The following PLPP1 variants were observed in gnomAD, a reference collection of about 807,000 sequenced individuals.
PLPP1 encodes lipid phosphate phosphohydrolase 1a.
PLPP1 carries 24 observed loss-of-function variants against 31.2 expected under a neutral mutation model. The observed-to-expected ratio is 0.77, with a 90% CI of 0.56 to 1.08. PLPP1 has a LOEUF of 1.08. PLPP1 is among the 50% of genes least tolerant of loss of function. The pLI is 0.00. For missense variants in PLPP1, 319 were observed against 342.7 expected, an observed-to-expected ratio of 0.93 and a Z score of 0.55; for synonymous variants, 146 against 126.3, an observed-to-expected ratio of 1.16 and a Z score of -1.05.
At chr5:55,500,972 A>G (rs550051540) in intron 1 of PLPP1, among the ~76,000 whole-genome samples, 1 of 152,330 alleles carries the variant, frequency 6.6e-6, no homozygotes, top group South Asian at 2.1e-4. Flanking sequence ...ACCTATATTA[A>G]GAAGATTGAA....
intron 1 of PLPP1, among the ~76,000 whole-genome samples, chr5:55,521,859 A>G (rs1472091959): frequency 6.6e-6 from 1 of 152,200 alleles, no homozygotes; most frequent in Non-Finnish European, 1.5e-5. Flanking sequence ...TTCATGTGAA[A>G]CATTTACCAA....
At chr5:55,531,019 C>G (rs1740651607) in intron 1 of PLPP1, among the ~76,000 whole-genome samples, 1 of 152,206 alleles carries the variant, frequency 6.6e-6, no homozygotes, top group Non-Finnish European at 1.5e-5. Context: ...CAGCCTACCA[C>G]CATTCTCTGT....
chr5:55,491,473 T>A (rs1254229242), intron 1 of PLPP1, among the ~76,000 whole-genome samples: 2 of 152,236 alleles, frequency 1.3e-5, no homozygotes, highest in Non-Finnish European at 1.5e-5. Context: ...TTTAATTGAA[T>A]TGCTTTACAT....
At chr5:55,446,850 CAT>C (rs764736900) in intron 3 of PLPP1, among the ~76,000 whole-genome samples, 20 of 152,316 alleles carry the variant, frequency 1.3e-4, no homozygotes, top group Middle Eastern at 3.4e-3. Flanking sequence ...ACATTATCCA[CAT>C]GTCTTTTATG....
At position 55,425,126 on chromosome 5, in the gene PLPP1, G is replaced by GAA; in HGVS notation, c.*78_*79dup. ...TCTTTAAAGGCTTGTACACCAGGAAGAAAGATGCATCCTCTTGCCTTGTGG... is the reference window on the plus strand; with the variant it reads ...TCTTTAAAGGCTTGTACACCAGGAAGAAAAAGATGCATCCTCTTGCCTTGTGG... On this transcript the variant is annotated 3_prime_UTR_variant, in exon 6 of 6. Coordinates refer to ENST00000307259, the MANE Select transcript of PLPP1 (RefSeq NM_003711.4). 1 of 1,505,540 alleles carries GAA rather than the reference G, an allele frequency of 6.6e-7. No individual in the cohort carries two copies. The highest frequency in any genetic ancestry group is 9.0e-7 in the Non-Finnish European group (1 of 1,115,864). The allele number at this position is 1,505,540 out of a possible 1,614,324, so 93.3% of individuals were successfully genotyped here.
chr5:55,464,397 G>A (rs568362984), intron 3 of PLPP1, among the ~76,000 whole-genome samples: 1 of 152,022 alleles, frequency 6.6e-6, no homozygotes, highest in Non-Finnish European at 1.5e-5. Flanking sequence ...ACCACACCTC[G>A]CTAATTTCTG....
intron 1 of PLPP1, among the ~76,000 whole-genome samples, chr5:55,501,309 G>A (rs909908566): frequency 2.6e-5 from 4 of 151,918 alleles, no homozygotes; most frequent in Admixed American, 6.6e-5. Context: ...GCAAGACTCC[G>A]TCTCAAAAAA....
intron 1 of PLPP1, among the ~76,000 whole-genome samples, chr5:55,485,300 A>G (rs750794118): frequency 7.9e-5 from 12 of 152,180 alleles, no homozygotes; most frequent in Non-Finnish European, 1.3e-4. Context: ...CTGCAACACA[A>G]AAGACAAACT....
intron 4 of PLPP1, among the ~76,000 whole-genome samples, chr5:55,427,175 A>G (rs1382467011): frequency 6.6e-6 from 1 of 152,182 alleles, no homozygotes; most frequent in Non-Finnish European, 1.5e-5. Context: ...GTTCAATAAT[A>G]TATGACTCGT....
At chr5:55,503,926 T>C (rs951031823) in intron 1 of PLPP1, among the ~76,000 whole-genome samples, 3 of 22,262 alleles carry the variant, frequency 1.3e-4, no homozygotes, top group Admixed American at 6.6e-4. Flanking sequence ...GGGGGAGGAA[T>C]GGGAGAGGAG....
chr5:55,534,934 G>A lies in PLPP1; in HGVS notation c.-305C>T, dbSNP rs1215871518. 1.5e-5 allele frequency: 6 copies of A among 393,910 alleles called. No homozygotes were observed. The Admixed American group carries it at 1.9e-4, about 13-fold the overall frequency. 24.4% of individuals were successfully genotyped at this position (393,910 alleles called of 1,614,324 possible). A position where few individuals can be genotyped will look rare whatever the true frequency, so the allele number is the denominator to read the frequency against. ...TCAGCCGGCACGGCCTGCCCCGGTT[G>A]CTCCCCGTCCGGATCCCGGCGCTCT... On this transcript the variant is annotated 5_prime_UTR_variant, in exon 1 of 6. Transcript: ENST00000307259.
chr5:55,460,799 C>T (rs1439184385), intron 3 of PLPP1, among the ~76,000 whole-genome samples: 1 of 152,154 alleles, frequency 6.6e-6, no homozygotes, highest in Admixed American at 6.5e-5. Context: ...TAAGCTATGA[C>T]TGGGCCACCG....
intron 1 of PLPP1, among the ~76,000 whole-genome samples, chr5:55,529,386 G>C (rs1187234221): frequency 1.3e-5 from 2 of 151,990 alleles, no homozygotes; most frequent in East Asian, 3.8e-4. Context: ...TTTCTAATAA[G>C]AGTTTCAACT....
chr5:55,486,045 G>A (rs1290876638), intron 1 of PLPP1, among the ~76,000 whole-genome samples: 1 of 152,070 alleles, frequency 6.6e-6, no homozygotes, highest in Non-Finnish European at 1.5e-5. Context: ...TTGTGTATGA[G>A]AACACCTGTT....
At chr5:55,533,518 AG>A (rs1041135955) in intron 1 of PLPP1, among the ~76,000 whole-genome samples, 1 of 152,220 alleles carries the variant, frequency 6.6e-6, no homozygotes, top group Admixed American at 6.5e-5. Context: ...TGGAATAACT[AG>A]GAACTACTGG....
chr5:55,431,459 A>G (rs1247695836), intron 4 of PLPP1, among the ~76,000 whole-genome samples: 2 of 152,250 alleles, frequency 1.3e-5, no homozygotes, highest in Non-Finnish European at 2.9e-5. Context: ...ATAAAACTGG[A>G]AATGAATAAT....
chr5:55,514,744 GTTA>G (rs1753519301), intron 1 of PLPP1, among the ~76,000 whole-genome samples: 1 of 152,144 alleles, frequency 6.6e-6, no homozygotes, highest in East Asian at 1.9e-4. Context: ...TTATTTATTG[GTTA>G]TTATTGCAGT....
chr5:55,504,524 CAAAAAAAAAAAAAAA>C (rs70995703), intron 1 of PLPP1, among the ~76,000 whole-genome samples: 2 of 54,286 alleles, frequency 3.7e-5, no homozygotes, highest in African/African-American at 8.1e-5. Flanking sequence ...GACTCCATCT[CAAAAAAAAAAAAAAA>C]AAAAAAAAAA....
At chr5:55,444,349 A>G (rs1579927388) in intron 3 of PLPP1, among the ~76,000 whole-genome samples, 1 of 151,902 alleles carries the variant, frequency 6.6e-6, no homozygotes, top group Admixed American at 6.5e-5. Flanking sequence ...CCAAAGTGCT[A>G]GGATTACAAG....
Sources: gnomAD v4.1 joint callset for allele counts (sites outside exome capture counted in the v4.1 genomes callset) on GRCh38, gnomAD v4.1.1 for gene constraint, MANE v1.5 for transcripts, NCBI Gene and HGNC (gene_info 2026-07-23, HGNC 2026-07-21) for gene names.